Variants in KNL1 observed in about 807,000 individuals in gnomAD.
The protein encoded by KNL1 is kinetochore scaffold 1, also known as outer kinetochore KNL1 complex subunit KNL1.
Under a neutral mutation model 201.3 loss-of-function variants are expected in KNL1, and 66 were observed. That is an observed-to-expected ratio of 0.33 (90% CI 0.27 to 0.40). The LOEUF (loss-of-function observed/expected upper bound fraction) is 0.40, where lower values mean the gene tolerates loss of function less well. Among genes scored for constraint, KNL1 ranks in the 10% least tolerant of loss-of-function variants. The probability of loss-of-function intolerance (pLI) is 1.00; values close to 1 mark genes in which losing one functional copy is unlikely to be tolerated. For missense variants in KNL1, 2,815 were observed against 2,690.5 expected, an observed-to-expected ratio of 1.05 and a Z score of -1.02; for synonymous variants, 895 against 899.2, an observed-to-expected ratio of 1.00 and a Z score of 0.08.
chr15:40,628,033 T>C, intron 10 of KNL1, 37 bp from the exon 11 acceptor site: 1 of 1,476,750 alleles, frequency 6.8e-7, no homozygotes, highest in Non-Finnish European at 9.2e-7. Flanking sequence ...ACAGTGTATA[T>C]TTTATTCTGA....
chr15:40,614,294 C>T (rs1486454907), intron 7 of KNL1, among the ~76,000 whole-genome samples: 1 of 152,044 alleles, frequency 6.6e-6, no homozygotes, highest in African/African-American at 2.4e-5. Context: ...GATGGGGTTT[C>T]ACCACGTTGG....
intron 1 of KNL1, among the ~76,000 whole-genome samples, chr15:40,601,282 C>CCATCACA (rs1891783660): frequency 6.6e-6 from 1 of 152,198 alleles, no homozygotes; most frequent in African/African-American, 2.4e-5. Flanking sequence ...AAACCATCCC[C>CCATCACA]CATCACACCC....
At chr15:40,610,859 C>T (rs1302780899) in intron 6 of KNL1, 1 of 454,470 alleles carries the variant, frequency 2.2e-6, no homozygotes, top group Admixed American at 2.3e-5. Context: ...AAGCGATTCT[C>T]CTGCCTCAGC....
rs202065324 is a variant in KNL1, at chr15:40,657,141, A to G, written c.6584A>G (p.Gln2195Arg). 98 of 1,587,688 alleles carry G rather than the reference A, an allele frequency of 6.2e-5. No homozygotes were observed. The Middle Eastern group carries it at 8.4e-4, about 14-fold the overall frequency. The change falls in exon 23 of 26, where the codon CAG becomes CGG. Residue 2195 changes from glutamine to arginine, a missense_variant. Around this residue, in one of 3 missense-constraint regions of KNL1, gnomAD observed 334 missense variants for 362.6 expected, o/e 0.92. Coordinates refer to ENST00000399668, the MANE Select transcript of KNL1 (RefSeq NM_144508.5). ...SWKKTCTTQH[Q>R]LPKMLEEFSL... ...AAGAAGACATGTACAACCCAGCATC[A>G]GTTACCCAAGGTAAAGCCCGATTGA...
intron 1 of KNL1, among the ~76,000 whole-genome samples, chr15:40,595,873 G>A (rs1891605979): frequency 6.6e-6 from 1 of 152,106 alleles, no homozygotes; most frequent in Non-Finnish European, 1.5e-5. Flanking sequence ...TACAATCCCG[G>A]AAAATACTAA....
intron 1 of KNL1, among the ~76,000 whole-genome samples, chr15:40,601,559 G>A (rs1891791045): frequency 6.6e-6 from 1 of 152,006 alleles, no homozygotes; most frequent in African/African-American, 2.4e-5. Context: ...GGGCCAGGCG[G>A]GGTGGCTCAC....
At chr15:40,644,106 C>T (rs1290074674) in intron 14 of KNL1, among the ~76,000 whole-genome samples, 6 of 152,190 alleles carry the variant, frequency 3.9e-5, no homozygotes, top group Non-Finnish European at 7.3e-5. Flanking sequence ...GCACTGGCAC[C>T]GGTCTCTGAG....
At chr15:40,636,010 G>A (rs1893046644) in intron 13 of KNL1, among the ~76,000 whole-genome samples, 1 of 152,082 alleles carries the variant, frequency 6.6e-6, no homozygotes, top group Admixed American at 6.6e-5. Flanking sequence ...GCTAATTTTT[G>A]TATTTTTAGT....
rs1278816759 is a variant in KNL1 at position 40,628,132 on chromosome 15, C to T, written c.5439C>T (p.Asn1813=). The change falls in exon 11 of 26, where the codon AAC becomes AAT. Residue 1813 remains asparagine, a synonymous_variant. Transcript: ENST00000399668. ...DKSANSVLIK[N]LSRTPSSCSS... is the part of the protein sequence containing the mutation. ...GTGCTAACAGTGTATTGATAAAAAA[C>T]CTGAGCAGGACCCCATCTAGTTGCA... 1.2e-6 allele frequency: 2 copies of T among 1,612,854 alleles called. No homozygotes were observed. The highest frequency in any genetic ancestry group is 1.7e-6 in the Non-Finnish European group (2 of 1,179,578).
In KNL1 at chr15:40,622,249, G is replaced by T. The variant is rs776784615; in HGVS notation, c.1985G>T (p.Cys662Phe). The change falls in exon 10 of 26, where the codon TGT becomes TTT. Residue 662 changes from cysteine (C) to phenylalanine (F), a missense_variant. This residue lies in a region of KNL1 where 2,464 missense variants were observed against 2,291.7 expected (regional missense o/e 1.08). Transcript: ENST00000399668. ...AAAGATTCTCCTCAGTCAGCTGATT[G>T]TAATCAGGAGATAGCAACAAGCCAT... The part of the protein sequence containing the change: ...LDKDSPQSAD[C>F]NQEIATSHNI... 1 of 1,614,020 alleles carries T rather than the reference G, an allele frequency of 6.2e-7. No homozygotes were observed. The highest frequency in any genetic ancestry group is 1.1e-5 in the South Asian group (1 of 91,078).
chr15:40,644,870 A>G (rs1231853590), intron 14 of KNL1, 127 bp from the exon 15 acceptor site: 1 of 552,408 alleles, frequency 1.8e-6, no homozygotes. Context: ...TCTCAGCAAA[A>G]CAGTTGTTCA....
At chr15:40,595,178 G>A (rs1463667431) in intron 1 of KNL1, among the ~76,000 whole-genome samples, 6 of 152,230 alleles carry the variant, frequency 3.9e-5, no homozygotes, top group Non-Finnish European at 8.8e-5. Context: ...GTCGAATCCT[G>A]TAGATATTTA....
intron 13 of KNL1, among the ~76,000 whole-genome samples, chr15:40,633,757 G>T (rs1892979259): frequency 6.6e-6 from 1 of 151,944 alleles, no homozygotes; most frequent in African/African-American, 2.4e-5. Context: ...ACCAGGCTTG[G>T]TCTCAAATTC....
Position 40,623,812 on chromosome 15 carries a change from T to G in KNL1, c.3548T>G (p.Leu1183Arg). ...GACTGTCAAGCCACAGAGAAAATAC[T>G]TGAAGAAAACCCTAAATTTGGAATA... ...FIDCQATEKILEENPKFGIGK... is the reference protein window; with the variant it reads ...FIDCQATEKIREENPKFGIGK... The change falls in exon 10 of 26, where the codon CTT (leucine) becomes CGT (arginine). Residue 1183 changes from leucine to arginine, a missense_variant. By Grantham distance (102) the Leu-to-Arg change is moderately radical. Around this residue, in one of 3 missense-constraint regions of KNL1, gnomAD observed 2,464 missense variants for 2,291.7 expected, o/e 1.08. Coordinates refer to ENST00000399668, the MANE Select transcript of KNL1 (RefSeq NM_144508.5). The G allele has an allele frequency of 6.2e-7, 1 of 1,613,562 alleles. No homozygotes were observed. The highest frequency in any genetic ancestry group is 1.1e-5 in the South Asian group (1 of 91,044).
Position 40,604,974 on chromosome 15 carries a change from A to G in KNL1, c.36-136A>G, listed in dbSNP as rs115347081. The G allele has an allele frequency of 4.7e-3, 2,752 of 587,684 alleles. 63 individuals carry two copies. Among genetic ancestry groups the G allele is most frequent in the African/African-American group, 0.045 (2,435 of 54,520 alleles). 36.4% of individuals were successfully genotyped at this position (587,684 alleles called of 1,614,324 possible). On this transcript the variant is annotated intron_variant, in intron 2 of 25. Coordinates refer to ENST00000399668, the MANE Select transcript of KNL1 (RefSeq NM_144508.5). ...TTCCTAACTGAATTTAAAGTCTTGT[A>G]TATAAATTTTGCTTGCCAGAGTGCT...
intron 21 of KNL1, among the ~76,000 whole-genome samples, chr15:40,654,127 C>T (rs926302285): frequency 6.6e-6 from 1 of 152,100 alleles, no homozygotes; most frequent in Admixed American, 6.6e-5. Flanking sequence ...AAATATGTAA[C>T]AAAGCATTCA....
chr15:40,598,749 GA>G (rs1176442525), intron 1 of KNL1, among the ~76,000 whole-genome samples: 1 of 152,032 alleles, frequency 6.6e-6, no homozygotes, highest in Non-Finnish European at 1.5e-5. Context: ...TTAGTTTTTT[GA>G]ATATATACTG....
intron 14 of KNL1, among the ~76,000 whole-genome samples, chr15:40,644,543 A>G (rs867669186): frequency 4.6e-5 from 7 of 152,136 alleles, no homozygotes; most frequent in African/African-American, 1.7e-4. Flanking sequence ...GCTGGGGGAC[A>G]GTCAGGTCTT....
At position 40,621,697 on chromosome 15, in the gene KNL1, A is replaced by T. The variant is rs776798414; in HGVS notation, c.1433A>T (p.Tyr478Phe). ...TCTTCTCTCACAGAGAAAACTATTT[A>T]TTCCGGAGAGGAGAACATGGACATT... is the stretch of plus-strand genomic sequence containing the variant. ...AMSSLTEKTI[Y>F]SGEENMDITK... Residue 478 changes from tyrosine (Y) to phenylalanine (F), a missense_variant, in exon 10 of 26, where the codon TAT becomes TTT. Around this residue, in one of 3 missense-constraint regions of KNL1, gnomAD observed 2,464 missense variants for 2,291.7 expected, o/e 1.08. Transcript: ENST00000399668. 1.9e-6 allele frequency: 3 copies of T among 1,611,404 alleles called. No homozygotes were observed. Among genetic ancestry groups the T allele is most frequent in the Admixed American group, 1.7e-5 (1 of 59,890 alleles).
Sources: gnomAD v4.1 joint callset for allele counts (sites outside exome capture counted in the v4.1 genomes callset) on GRCh38, gnomAD v4.1.1 for gene constraint, gnomAD v4.1.1 regional missense constraint, MANE v1.5 for transcripts, NCBI Gene and HGNC (gene_info 2026-07-23, HGNC 2026-07-21) for gene names.